The following DNAH11 variants were observed in gnomAD, a reference collection of about 807,000 sequenced individuals.
DNAH11 encodes the protein axonemal beta dynein heavy chain 11.
In DNAH11, 442 loss-of-function variants were observed where a neutral mutation model predicts 526.0. The observed-to-expected ratio is 0.84, with a 90% confidence interval of 0.78 to 0.91. DNAH11 has a LOEUF of 0.91. Ranked by LOEUF, DNAH11 falls within the 40% of genes least tolerant of loss-of-function variation. DNAH11 has a pLI of 0.00. For missense variants in DNAH11, 6,989 were observed against 5,448.7 expected (o/e 1.28, Z -8.90); for synonymous variants, 2,461 against 1,935.9 (o/e 1.27, Z -7.12).
chr7:21,606,773 C>G, intron 20 of DNAH11, 40 bp downstream of exon 20: 8 of 1,501,320 alleles, frequency 5.3e-6, no homozygotes, highest in Non-Finnish European at 7.3e-6. Context: ...ATTAAAATAG[C>G]TACTTTAAAA....
chr7:21,679,287 T>C (rs1783043242), intron 30 of DNAH11, among the ~76,000 whole-genome samples: 1 of 152,208 alleles, frequency 6.6e-6, no homozygotes, highest in South Asian at 2.1e-4. Context: ...CTTTCAGTTA[T>C]AGCATGAATA....
At chr7:21,883,055 T>C (rs1351880614) in intron 75 of DNAH11, among the ~76,000 whole-genome samples, 1 of 152,192 alleles carries the variant, frequency 6.6e-6, no homozygotes, top group African/African-American at 2.4e-5. Context: ...CATGTTGCGG[T>C]CTAGGCACCC....
At chr7:21,862,182 T>C (rs72658807) in intron 69 of DNAH11, among the ~76,000 whole-genome samples, 159 bp downstream of exon 69, 64 of 151,846 alleles carry the variant, frequency 4.2e-4, no homozygotes, top group Non-Finnish European at 6.5e-4. Flanking sequence ...CACAGGGAAC[T>C]TGGGCATGTG....
rs1356663506 is a variant in DNAH11, at chr7:21,807,956, C to T, written c.10239C>T (p.Leu3413=). 5 of 1,608,830 alleles carry T rather than the reference C, an allele frequency of 3.1e-6. No individual in the cohort carries two copies. The highest frequency in any genetic ancestry group is 3.3e-5 in the Admixed American group (2 of 59,858). ...AGACACTCTGTGGAGATGTTCTTCTCACGGCGGCATTTGTGTCTTACGTCG... is the reference window on the plus strand; with the variant it reads ...AGACACTCTGTGGAGATGTTCTTCTTACGGCGGCATTTGTGTCTTACGTCG... ...QEKTLCGDVL[L]TAAFVSYVGP... is the part of the protein sequence containing the mutation. Residue 3413 remains leucine (L), a synonymous_variant, in exon 63 of 82, where the codon CTC becomes CTT. Coordinates refer to ENST00000409508, the MANE Select transcript of DNAH11 (RefSeq NM_001277115.2).
In DNAH11 at chr7:21,900,046, T is replaced by C. The variant is rs752970913; in HGVS notation, c.13229T>C (p.Val4410Ala). ...GATAAAACGCGCTTGACTGCTGATG[T>C]TACCAAAAAAACAAAGGAAGATTAT... is the stretch of plus-strand genomic sequence containing the variant. Reference protein sequence around the residue: ...PLDKTRLTADVTKKTKEDYGH... With the variant: ...PLDKTRLTADATKKTKEDYGH... Residue 4410 changes from valine to alanine, a missense_variant, in exon 81 of 82, where the codon GTT becomes GCT. Coordinates refer to ENST00000409508, the MANE Select transcript of DNAH11 (RefSeq NM_001277115.2). 1.2e-6 allele frequency: 2 copies of C among 1,613,898 alleles called. No individual in the cohort carries two copies. Among genetic ancestry groups the C allele is most frequent in the South Asian group, 2.2e-5 (2 of 91,070 alleles).
At chr7:21,675,002 CT>C (rs1188271487) in intron 30 of DNAH11, among the ~76,000 whole-genome samples, 2 of 152,220 alleles carry the variant, frequency 1.3e-5, no homozygotes, top group African/African-American at 4.8e-5. Context: ...TCTCCAACTG[CT>C]TTGATAATGT....
At position 21,861,885 on chromosome 7, in the gene DNAH11, G is replaced by C; in HGVS notation, c.11235G>C (p.Glu3745Asp). The change falls in exon 69 of 82, where the codon GAG (glutamate) becomes GAC (aspartate). Residue 3745 changes from glutamate (E) to aspartate (D), a missense_variant. Physicochemically the swap from Glu to Asp is conservative, Grantham distance 45 (BLOSUM62 2). Coordinates refer to ENST00000409508, the MANE Select transcript of DNAH11 (RefSeq NM_001277115.2). ...AFNVLFHRAI[E>D]QADKVEDMQG... Reference sequence around the variant, plus strand: ...ACGTGCTGTTCCACAGAGCGATCGAGCAGGCTGACAAGGTGGAAGACATGC... The same window carrying C: ...ACGTGCTGTTCCACAGAGCGATCGACCAGGCTGACAAGGTGGAAGACATGC... The C allele has an allele frequency of 6.2e-7, 1 of 1,613,378 alleles. No individual in the cohort carries two copies. The highest frequency in any genetic ancestry group is 8.5e-7 in the Non-Finnish European group (1 of 1,179,674).
At chr7:21,782,400 G>T (rs1400902188) in intron 57 of DNAH11, among the ~76,000 whole-genome samples, 4 of 152,200 alleles carry the variant, frequency 2.6e-5, no homozygotes, top group Non-Finnish European at 5.9e-5. Context: ...AGCTTACTGA[G>T]ATATACAGAA....
intron 70 of DNAH11, among the ~76,000 whole-genome samples, chr7:21,865,949 G>T (rs543625538): frequency 6.6e-6 from 1 of 152,334 alleles, no homozygotes; most frequent in South Asian, 2.1e-4. Flanking sequence ...CACTGGTGCA[G>T]TGTAGCAGTG....
chr7:21,823,507 A>T (rs1240623216), intron 65 of DNAH11, among the ~76,000 whole-genome samples: 2 of 152,264 alleles, frequency 1.3e-5, no homozygotes, highest in East Asian at 3.9e-4. Context: ...TGTTAACTGG[A>T]AATTTTAATT....
In DNAH11 at chr7:21,683,829, C is replaced by A. The variant is rs370080269; in HGVS notation, c.5506C>A (p.Arg1836=). 9.9e-6 allele frequency: 16 copies of A among 1,612,428 alleles called. No individual in the cohort carries two copies. The highest frequency in any genetic ancestry group is 1.7e-5 in the Admixed American group (1 of 59,834). ...AFTWLSQLRH[R]WEDTQKHCFV... ...TACATGGCTGTCTCAACTTCGTCAC[C>A]GATGGGAGGATACCCAGAAACACTG... The change falls in exon 32 of 82, where the codon CGA becomes AGA. Residue 1836 remains arginine (R), a synonymous_variant. Transcript: ENST00000409508.
At chr7:21,866,024 T>G (rs1783260096) in intron 70 of DNAH11, among the ~76,000 whole-genome samples, 1 of 152,212 alleles carries the variant, frequency 6.6e-6, no homozygotes, top group African/African-American at 2.4e-5. Flanking sequence ...ACTTCCTTAC[T>G]GCAAGCTGTT....
At chr7:21,726,137 C>T (rs1168992266) in intron 45 of DNAH11, among the ~76,000 whole-genome samples, 153 bp downstream of exon 45, 1 of 152,168 alleles carries the variant, frequency 6.6e-6, no homozygotes, top group Non-Finnish European at 1.5e-5. Context: ...TGCTGAGCTT[C>T]TGGGAAGGCC....
At chr7:21,650,695 AGTG>A (rs1787588509) in intron 28 of DNAH11, among the ~76,000 whole-genome samples, 1 of 151,626 alleles carries the variant, frequency 6.6e-6, no homozygotes, top group Non-Finnish European at 1.5e-5. Context: ...GCTGGAGTGC[AGTG>A]GTGCAATCTC....
chr7:21,636,836 G>T (rs79462043), intron 26 of DNAH11, among the ~76,000 whole-genome samples: 1 of 152,116 alleles, frequency 6.6e-6, no homozygotes, highest in African/African-American at 2.4e-5. Context: ...GACCTTTGTG[G>T]TAATAAAGGT....
chr7:21,854,781 G>T (rs1033558298), intron 68 of DNAH11, among the ~76,000 whole-genome samples: 7 of 151,948 alleles, frequency 4.6e-5, no homozygotes, highest in Admixed American at 4.6e-4. Flanking sequence ...GACCTCAAAT[G>T]ATCTCCCCTC....
intron 14 of DNAH11, among the ~76,000 whole-genome samples, chr7:21,594,155 G>C (rs917338933): frequency 2.6e-5 from 4 of 151,750 alleles, no homozygotes; most frequent in Non-Finnish European, 4.4e-5. Context: ...CCTTGGTAAA[G>C]GCTGGAAACC....
Position 21,545,161 on chromosome 7 carries a change from T to TACTG in DNAH11, c.495+12_495+13insACTG, listed in dbSNP as rs1431265295. The stretch of plus-strand genomic sequence containing the variant: ...CTTTCCTTGATGAGGTACTGGTCTG[T>TACTG]CTTTAATATTTAAAGCTTTCACTTA... On this transcript the variant is annotated intron_variant, in intron 2 of 81. Transcript: ENST00000409508. The TACTG allele has an allele frequency of 6.3e-7, 1 of 1,598,700 alleles. No individual in the cohort carries two copies. Among genetic ancestry groups the TACTG allele is most frequent in the Admixed American group, 1.7e-5 (1 of 57,660 alleles).
chr7:21,756,476 C>T (rs1206647872), intron 54 of DNAH11, among the ~76,000 whole-genome samples: 1 of 151,940 alleles, frequency 6.6e-6, no homozygotes, highest in Non-Finnish European at 1.5e-5. Context: ...AGCAAGATCA[C>T]CTTCCTTTTC....
Sources: gnomAD v4.1 joint callset for allele counts (sites outside exome capture counted in the v4.1 genomes callset) on GRCh38, gnomAD v4.1.1 for gene constraint, MANE v1.5 for transcripts, NCBI Gene and HGNC (gene_info 2026-07-23, HGNC 2026-07-21) for gene names.